Variants in LRBA observed in about 807,000 individuals in gnomAD.
The protein encoded by LRBA is LPS responsive beige-like anchor protein, also known as lipopolysaccharide-responsive and beige-like anchor protein.
LRBA carries 176 observed loss-of-function variants against 330.0 expected under a neutral mutation model. The ratio of observed to expected loss-of-function variants is 0.53; its 90% CI spans 0.47 to 0.60. The LOEUF (loss-of-function observed/expected upper bound fraction) is 0.60, where lower values mean the gene tolerates loss of function less well. LRBA is among the 20% of genes least tolerant of loss of function. The pLI is 0.00. For synonymous variants in LRBA, 1,230 were observed against 1,193.0 expected, an observed-to-expected ratio of 1.03 and a Z score of -0.64; for missense variants, 3,259 against 3,444.8, an observed-to-expected ratio of 0.95 and a Z score of 1.35.
At chr4:150,497,115 A>T (rs1759680981) in intron 40 of LRBA, among the ~76,000 whole-genome samples, 1 of 152,172 alleles carries the variant, frequency 6.6e-6, no homozygotes, top group African/African-American at 2.4e-5. Context: ...TAATTTGAAC[A>T]AATAGCTTAA....
chr4:150,760,087 T>C (rs1370332463), intron 35 of LRBA, among the ~76,000 whole-genome samples: 1 of 152,224 alleles, frequency 6.6e-6, no homozygotes, highest in Non-Finnish European at 1.5e-5. Context: ...GTGTTTTGCA[T>C]TAAGCAGAAC....
At chr4:150,406,463 G>A (rs1746205471) in intron 47 of LRBA, among the ~76,000 whole-genome samples, 1 of 152,140 alleles carries the variant, frequency 6.6e-6, no homozygotes, top group African/African-American at 2.4e-5. Flanking sequence ...TTTTGAAAGT[G>A]TCCAAAATCC....
intron 2 of LRBA, among the ~76,000 whole-genome samples, chr4:150,974,525 C>G (rs988913192): frequency 1.3e-5 from 2 of 152,138 alleles, no homozygotes; most frequent in Non-Finnish European, 2.9e-5. Flanking sequence ...AGGCTTTGGA[C>G]TAAGCTTTAG....
intron 35 of LRBA, among the ~76,000 whole-genome samples, chr4:150,745,592 T>C (rs1392623252): frequency 6.6e-6 from 1 of 152,200 alleles, no homozygotes. Flanking sequence ...CTCAGCTCAC[T>C]GCAACCTCTG....
chr4:150,819,376 G>A (rs940574854), intron 30 of LRBA, among the ~76,000 whole-genome samples: 1 of 151,262 alleles, frequency 6.6e-6, no homozygotes, highest in Admixed American at 6.6e-5. Flanking sequence ...TCATCAAATG[G>A]TACACTTAAG....
At chr4:150,364,982 C>T (rs902255010) in intron 47 of LRBA, among the ~76,000 whole-genome samples, 27 of 151,708 alleles carry the variant, frequency 1.8e-4, no homozygotes, top group African/African-American at 6.3e-4. Context: ...TATATATACA[C>T]ACACAGAGAG....
At chr4:150,642,831 G>T (rs1262655941) in intron 37 of LRBA, among the ~76,000 whole-genome samples, 1 of 151,582 alleles carries the variant, frequency 6.6e-6, no homozygotes, top group African/African-American at 2.4e-5. Flanking sequence ...GTTTATTATG[G>T]TTACAAACAC....
chr4:150,790,532 C>T (rs1308713961), intron 34 of LRBA, among the ~76,000 whole-genome samples: 1 of 152,066 alleles, frequency 6.6e-6, no homozygotes, highest in African/African-American at 2.4e-5. Context: ...CAAATGTTTC[C>T]ACCTTATAAT....
intron 53 of LRBA, among the ~76,000 whole-genome samples, chr4:150,295,405 C>T (rs1336466576): frequency 1.3e-5 from 2 of 151,978 alleles, no homozygotes; most frequent in African/African-American, 2.4e-5. Flanking sequence ...CTATGTTGCC[C>T]ATGCTGGTTT....
intron 48 of LRBA, among the ~76,000 whole-genome samples, chr4:150,339,954 G>A (rs1198271983): frequency 6.6e-6 from 1 of 151,392 alleles, no homozygotes; most frequent in Non-Finnish European, 1.5e-5. Flanking sequence ...GGACCCCGTC[G>A]GAGGTAACTG....
chr4:151,009,027 A>ATATATATATAT (rs1491517032), intron 2 of LRBA, among the ~76,000 whole-genome samples: 4 of 13,492 alleles, frequency 3.0e-4, no homozygotes, highest in Admixed American at 1.9e-3. Flanking sequence ...ATATATATAT[A>ATATATATATAT]AAATGGTATT....
At position 150,784,984 on chromosome 4, in the gene LRBA, A is replaced by G. The variant is rs575016780; in HGVS notation, c.5580+13097T>C. 9.2e-5 allele frequency among the ~76,000 whole-genome samples: 14 copies of G among 152,322 alleles called. No individual in the cohort carries two copies. The South Asian group carries it at 2.9e-3, about 32-fold the overall frequency. On this transcript the variant is annotated intron_variant, in intron 34 of 56. Transcript: ENST00000651943. ...CTCACCTTGCCCGCTGCCTAGACAGAGCCGATTTATCAAGACAGGGAAATT... is the reference window on the plus strand; with the variant it reads ...CTCACCTTGCCCGCTGCCTAGACAGGGCCGATTTATCAAGACAGGGAAATT...
chr4:150,639,397 A>G (rs958282290), intron 37 of LRBA, among the ~76,000 whole-genome samples: 1 of 149,984 alleles, frequency 6.7e-6, no homozygotes, highest in Non-Finnish European at 1.5e-5. Flanking sequence ...AAGAAAAAAA[A>G]GAACACATAA....
At chr4:150,633,860 A>G (rs1777624289) in intron 37 of LRBA, among the ~76,000 whole-genome samples, 1 of 152,162 alleles carries the variant, frequency 6.6e-6, no homozygotes, top group Non-Finnish European at 1.5e-5. Context: ...CACACCTGTA[A>G]TCCCAGCACT....
intron 35 of LRBA, among the ~76,000 whole-genome samples, chr4:150,743,852 CAAAA>C (rs1199670530): frequency 1.3e-5 from 2 of 152,134 alleles, no homozygotes; most frequent in Non-Finnish European, 2.9e-5. Context: ...AATCAATAAT[CAAAA>C]GAAAGGAAAA....
chr4:151,004,029 C>T (rs1224888584), intron 2 of LRBA, among the ~76,000 whole-genome samples: 1 of 151,752 alleles, frequency 6.6e-6, no homozygotes, highest in Non-Finnish European at 1.5e-5. Flanking sequence ...CACAAATCTC[C>T]TGCCTCAGCC....
intron 54 of LRBA, among the ~76,000 whole-genome samples, chr4:150,283,021 G>A (rs1263212374): frequency 6.6e-6 from 1 of 152,156 alleles, no homozygotes; most frequent in Admixed American, 6.5e-5. Context: ...CAAGGGCTGC[G>A]GGCAGGTACA....
At chr4:150,559,298 C>T (rs1413621438) in intron 40 of LRBA, among the ~76,000 whole-genome samples, 2 of 151,698 alleles carry the variant, frequency 1.3e-5, no homozygotes, top group African/African-American at 4.8e-5. Context: ...CATGGTGGCT[C>T]ATGCCTGTAA....
chr4:150,329,722 A>T (rs749441989), intron 48 of LRBA, among the ~76,000 whole-genome samples: 14 of 152,192 alleles, frequency 9.2e-5, no homozygotes, highest in Non-Finnish European at 1.9e-4. Context: ...AAGCACATGT[A>T]TGTCTTAGCA....
Sources: gnomAD v4.1 joint callset for allele counts (sites outside exome capture counted in the v4.1 genomes callset) on GRCh38, gnomAD v4.1.1 for gene constraint, MANE v1.5 for transcripts, NCBI Gene and HGNC (gene_info 2026-07-23, HGNC 2026-07-21) for gene names.